HS6ST3: variants seen among roughly 807,000 people sequenced by gnomAD.
HS6ST3 encodes the protein heparan-sulfate 6-O-sulfotransferase 3.
Under a neutral mutation model 36.7 loss-of-function variants are expected in HS6ST3, and 12 were observed. That is an observed-to-expected ratio of 0.33 (90% confidence interval 0.21 to 0.53). The LOEUF is 0.53. Among genes scored for constraint, HS6ST3 ranks in the 20% least tolerant of loss-of-function variants. HS6ST3 has a pLI of 0.95. For missense variants in HS6ST3, 584 were observed against 640.9 expected, an observed-to-expected ratio of 0.91 and a Z score of 0.96; for synonymous variants, 240 against 257.5, an observed-to-expected ratio of 0.93 and a Z score of 0.65.
chr13:96,113,862 G>C (rs2053881834), intron 1 of HS6ST3, among the ~76,000 whole-genome samples: 1 of 152,074 alleles, frequency 6.6e-6, no homozygotes, highest in Non-Finnish European at 1.5e-5. Flanking sequence ...GCAAAAAGTT[G>C]GAAAAGTGGA....
intron 1 of HS6ST3, among the ~76,000 whole-genome samples, chr13:96,297,707 A>G (rs2054861917): frequency 6.6e-6 from 1 of 152,142 alleles, no homozygotes; most frequent in South Asian, 2.1e-4. Context: ...CAGACAAAAG[A>G]TGTGTCCCAG....
intron 1 of HS6ST3, among the ~76,000 whole-genome samples, chr13:96,668,162 A>T (rs1448122615): frequency 6.6e-6 from 1 of 151,964 alleles, no homozygotes; most frequent in Non-Finnish European, 1.5e-5. Flanking sequence ...TCTCTCTCTC[A>T]CACACGCATA....
At position 96,735,225 on chromosome 13, in the gene HS6ST3, G is replaced by GA. The variant is rs537910442; in HGVS notation, c.708-97254dup. Among the ~76,000 whole-genome samples the GA allele has an allele frequency of 4.4e-3, 612 of 137,950 alleles. 3 individuals are homozygous for GA. The highest frequency in any genetic ancestry group is 9.5e-3 in the African/African-American group (358 of 37,748). 90.5% of individuals were successfully genotyped at this position (137,950 alleles called of 152,430 possible). On this transcript the variant is annotated intron_variant, in intron 1 of 1. Transcript: ENST00000376705. ...TGATATATGATGGAAATCATCTAAA[G>GA]AAAAAAAAAAAGAACGTACAAAATT...
chr13:96,299,855 C>T (rs2054872875), intron 1 of HS6ST3, among the ~76,000 whole-genome samples: 1 of 151,834 alleles, frequency 6.6e-6, no homozygotes, highest in Non-Finnish European at 1.5e-5. Flanking sequence ...TCTCACACTA[C>T]TAAAAAGAAC....
chr13:96,451,402 C>T (rs2055727546), intron 1 of HS6ST3, among the ~76,000 whole-genome samples: 1 of 152,106 alleles, frequency 6.6e-6, no homozygotes, highest in South Asian at 2.1e-4. Context: ...GTTATCCAAT[C>T]TTGAGTGTTC....
intron 1 of HS6ST3, among the ~76,000 whole-genome samples, chr13:96,284,082 GGACCAGCTTCCTTT>G (rs1429192894): frequency 6.6e-6 from 1 of 152,042 alleles, no homozygotes; most frequent in Non-Finnish European, 1.5e-5. Context: ...AAGAATTGTG[GGACCAGCTTCCTTT>G]GACCCAAGCA....
chr13:96,795,453 A>G (rs1877886568), intron 1 of HS6ST3, among the ~76,000 whole-genome samples: 1 of 152,042 alleles, frequency 6.6e-6, no homozygotes, highest in African/African-American at 2.4e-5. Flanking sequence ...AACTTTCCCA[A>G]GGCCATGTAG....
At chr13:96,703,430 G>A (rs1453886593) in intron 1 of HS6ST3, among the ~76,000 whole-genome samples, 1 of 152,210 alleles carries the variant, frequency 6.6e-6, no homozygotes, top group African/African-American at 2.4e-5. Flanking sequence ...ATTAAAAATG[G>A]AGAATGAAAA....
chr13:96,705,470 A>T (rs1466273277), intron 1 of HS6ST3, among the ~76,000 whole-genome samples: 3 of 152,146 alleles, frequency 2.0e-5, no homozygotes, highest in African/African-American at 7.2e-5. Context: ...TCCTGGGAGC[A>T]CTGGAAATCA....
chr13:96,798,363 C>T (rs1877964889), intron 1 of HS6ST3, among the ~76,000 whole-genome samples: 1 of 152,028 alleles, frequency 6.6e-6, no homozygotes, highest in Non-Finnish European at 1.5e-5. Context: ...GGCTGAAAGT[C>T]CCAACCCTCT....
Position 96,837,065 on chromosome 13 carries a change from C to T in HS6ST3, c.*3867C>T. 1 of 152,102 alleles carries T rather than the reference C, an allele frequency of 6.6e-6. No homozygotes were observed. Among genetic ancestry groups the T allele is most frequent in the Non-Finnish European group, 1.5e-5 (1 of 68,020 alleles). 9.4% of individuals were successfully genotyped at this position (152,102 alleles called of 1,614,324 possible). The stretch of plus-strand genomic sequence containing the variant: ...TTGCCACATCTAGCTGCAAAGAAGG[C>T]TAGGGAATGTCTTTATTATTGATTG... On this transcript the variant is annotated 3_prime_UTR_variant, in exon 2 of 2. Transcript: ENST00000376705.
intron 1 of HS6ST3, among the ~76,000 whole-genome samples, chr13:96,290,892 C>T (rs1012227011): frequency 6.6e-6 from 1 of 152,198 alleles, no homozygotes; most frequent in Non-Finnish European, 1.5e-5. Flanking sequence ...GACCTCTTCA[C>T]TGTTCCTCCC....
At chr13:96,501,329 A>G (rs1256256636) in intron 1 of HS6ST3, among the ~76,000 whole-genome samples, 1 of 152,204 alleles carries the variant, frequency 6.6e-6, no homozygotes, top group Non-Finnish European at 1.5e-5. Context: ...CTGAGTGCCC[A>G]CTACTGTAAT....
intron 1 of HS6ST3, among the ~76,000 whole-genome samples, chr13:96,412,430 G>T (rs1218296133): frequency 6.6e-6 from 1 of 152,138 alleles, no homozygotes; most frequent in African/African-American, 2.4e-5. Flanking sequence ...ATTCTAGGGA[G>T]AGTTTTTGTA....
chr13:96,196,967 C>A (rs2054317352), intron 1 of HS6ST3, among the ~76,000 whole-genome samples: 1 of 152,220 alleles, frequency 6.6e-6, no homozygotes, highest in Admixed American at 6.5e-5. Flanking sequence ...TCTGCACCAT[C>A]CTGTGGTTTA....
At chr13:96,407,510 T>C (rs1341138005) in intron 1 of HS6ST3, among the ~76,000 whole-genome samples, 4 of 152,206 alleles carry the variant, frequency 2.6e-5, no homozygotes, top group Non-Finnish European at 5.9e-5. Context: ...GGACACATAT[T>C]AGGGGCTCAA....
intron 1 of HS6ST3, among the ~76,000 whole-genome samples, chr13:96,453,195 A>C (rs1281994964): frequency 6.6e-6 from 1 of 152,058 alleles, no homozygotes; most frequent in African/African-American, 2.4e-5. Context: ...AAAAAAAAAA[A>C]AGAAAAAAAG....
At chr13:96,602,398 A>G (rs2056424844) in intron 1 of HS6ST3, among the ~76,000 whole-genome samples, 2 of 152,014 alleles carry the variant, frequency 1.3e-5, no homozygotes, top group Admixed American at 1.3e-4. Flanking sequence ...ATAGGTACTT[A>G]TTTCATTCTT....
chr13:96,472,508 C>G (rs2055844437), intron 1 of HS6ST3, among the ~76,000 whole-genome samples: 1 of 152,204 alleles, frequency 6.6e-6, no homozygotes, highest in Admixed American at 6.5e-5. Flanking sequence ...CCTGGAAGCC[C>G]TCCATGATTC....
Sources: gnomAD v4.1 joint callset for allele counts (sites outside exome capture counted in the v4.1 genomes callset) on GRCh38, gnomAD v4.1.1 for gene constraint, MANE v1.5 for transcripts, NCBI Gene and HGNC (gene_info 2026-07-23, HGNC 2026-07-21) for gene names.